The following BACE2 variants were observed in gnomAD, a reference collection of about 807,000 sequenced individuals.
BACE2 encodes 56 kDa aspartic-like protease.
A neutral mutation model predicts 46.2 loss-of-function variants in BACE2; 17 were observed. The ratio of observed to expected loss-of-function variants is 0.37; its 90% CI spans 0.25 to 0.55. The LOEUF (loss-of-function observed/expected upper bound fraction) is 0.55. BACE2 is among the 20% of genes least tolerant of loss of function. The pLI is 0.82. For missense variants in BACE2, 595 were observed against 698.1 expected, an observed-to-expected ratio of 0.85 and a Z score of 1.66; for synonymous variants, 277 against 295.9, an observed-to-expected ratio of 0.94 and a Z score of 0.66.
chr21:41,217,214 C>A (rs1221917771), intron 1 of BACE2, among the ~76,000 whole-genome samples: 2 of 152,248 alleles, frequency 1.3e-5, no homozygotes, highest in African/African-American at 4.8e-5. Flanking sequence ...CAGGCGTGAG[C>A]CACTGCGCCC....
At chr21:41,239,593 G>T (rs148109200) in intron 3 of BACE2, among the ~76,000 whole-genome samples, 9,000 of 152,186 alleles carry the variant, frequency 0.059, 881 homozygotes, top group African/African-American at 0.2. Context: ...GGCCAGGCTG[G>T]TCTCAAACTC....
intron 1 of BACE2, chr21:41,183,935 A>G (rs2123502308): frequency 6.0e-6 from 1 of 167,150 alleles, no homozygotes; most frequent in South Asian, 2.1e-4. Flanking sequence ...CCCAGATGCT[A>G]ATTTTGTAAC....
intron 1 of BACE2, among the ~76,000 whole-genome samples, chr21:41,203,701 G>A (rs1986034124): frequency 6.6e-6 from 1 of 152,094 alleles, no homozygotes; most frequent in African/African-American, 2.4e-5. Context: ...CTGGGGAGAG[G>A]AGGTGAGGTC....
intron 1 of BACE2, among the ~76,000 whole-genome samples, chr21:41,198,099 C>A (rs56942017): frequency 6.6e-6 from 1 of 152,058 alleles, no homozygotes; most frequent in Non-Finnish European, 1.5e-5. Context: ...TCAAGCAATT[C>A]TCGTGCCTCA....
intron 8 of BACE2, among the ~76,000 whole-genome samples, chr21:41,262,571 A>G (rs1217993093): frequency 2.6e-5 from 4 of 152,112 alleles, no homozygotes; most frequent in South Asian, 4.1e-4. Flanking sequence ...TGGGATTTCT[A>G]TTAGAACTGC....
chr21:41,205,919 C>T (rs974838884), intron 1 of BACE2, among the ~76,000 whole-genome samples: 15 of 152,074 alleles, frequency 9.9e-5, no homozygotes, highest in African/African-American at 3.1e-4. Flanking sequence ...TAAATATTTA[C>T]TGAAAAAATG....
Position 41,193,602 on chromosome 21 carries a change from C to T in BACE2, c.312+25027C>T, listed in dbSNP as rs940548898. 1.3e-5 allele frequency among the ~76,000 whole-genome samples: 2 copies of T among 152,192 alleles called. No individual in the cohort carries two copies. The highest frequency in any genetic ancestry group is 4.8e-5 in the African/African-American group (2 of 41,456). ...AGGTAGAGGCAGCTCTAATGGCTTC[C>T]ATTTGGCCTTTCTCACCATAATAGT... On this transcript the variant is annotated intron_variant, in intron 1 of 8. Transcript: ENST00000330333. The surrounding 1 kb of genome is among the most constrained non-coding windows in gnomAD (Gnocchi z 4.2).
At chr21:41,234,737 C>T (rs796363804) in intron 2 of BACE2, among the ~76,000 whole-genome samples, 55 of 152,354 alleles carry the variant, frequency 3.6e-4, no homozygotes, top group African/African-American at 1.2e-3. Context: ...TCCCATGTGG[C>T]AGGCACATCT....
In BACE2 at chr21:41,275,793, T is replaced by G; in HGVS notation, c.*169T>G. 1 of 814,098 alleles carries G rather than the reference T, an allele frequency of 1.2e-6. No homozygotes were observed. Among genetic ancestry groups the G allele is most frequent in the Non-Finnish European group, 1.8e-6 (1 of 541,454 alleles). 50.4% of individuals were successfully genotyped at this position (814,098 alleles called of 1,614,324 possible). A position where few individuals can be genotyped will look rare whatever the true frequency, so the allele number is the denominator to read the frequency against. Reference sequence around the variant, plus strand: ...TTCACTGTCTTTTGATTCTTGATTTTCAAGCTTTCAAATCCTCCCTACTTC... The same window carrying G: ...TTCACTGTCTTTTGATTCTTGATTTGCAAGCTTTCAAATCCTCCCTACTTC... On this transcript the variant is annotated 3_prime_UTR_variant, in exon 9 of 9. Coordinates refer to ENST00000330333, the MANE Select transcript of BACE2 (RefSeq NM_012105.5).
At chr21:41,228,305 A>G (rs754478437) in intron 2 of BACE2, among the ~76,000 whole-genome samples, 4 of 152,210 alleles carry the variant, frequency 2.6e-5, no homozygotes, top group African/African-American at 7.2e-5. Context: ...CACCATGGAC[A>G]TGTACACCCA....
chr21:41,185,155 G>T (rs1382914111), intron 1 of BACE2: 1 of 167,142 alleles, frequency 6.0e-6, no homozygotes. Flanking sequence ...CAAAAGCCTA[G>T]TTACTCTTCC....
chr21:41,219,479 G>A (rs1303819043), intron 1 of BACE2, among the ~76,000 whole-genome samples: 1 of 152,184 alleles, frequency 6.6e-6, no homozygotes, highest in Non-Finnish European at 1.5e-5. Context: ...CAGTTTGGGG[G>A]AATGTTTAAA....
chr21:41,234,276 G>A (rs116372962), intron 2 of BACE2, among the ~76,000 whole-genome samples: 67 of 152,238 alleles, frequency 4.4e-4, no homozygotes, highest in African/African-American at 1.5e-3. Flanking sequence ...GTAGAATTGT[G>A]AGCCCATTAA....
intron 1 of BACE2, among the ~76,000 whole-genome samples, chr21:41,190,283 C>T (rs1985521250): frequency 6.6e-6 from 1 of 152,138 alleles, no homozygotes; most frequent in Admixed American, 6.5e-5. Context: ...CATAATTATG[C>T]CTAACATATT....
At position 41,246,074 on chromosome 21, in the gene BACE2, G is replaced by C; in HGVS notation, c.984+11G>C. On this transcript the variant is annotated intron_variant, in intron 6 of 8. Coordinates refer to ENST00000330333, the MANE Select transcript of BACE2 (RefSeq NM_012105.5). ...GCCCGCGCATCTCTGGTGAGTCCTCGGGACACTCACGGGTCCCCGAGTTGC... is the reference window on the plus strand; with the variant it reads ...GCCCGCGCATCTCTGGTGAGTCCTCCGGACACTCACGGGTCCCCGAGTTGC... 6.3e-7 allele frequency: 1 copy of C among 1,587,106 alleles called. No individual in the cohort carries two copies.
chr21:41,238,813 G>C (rs1366424953), intron 3 of BACE2, among the ~76,000 whole-genome samples: 1 of 99,744 alleles, frequency 1.0e-5, no homozygotes, highest in Non-Finnish European at 1.9e-5. Flanking sequence ...TGGGGTGGGG[G>C]GAGGGGGGAG....
chr21:41,269,577 A>C lies in BACE2; in HGVS notation c.1304-5794A>C, dbSNP rs566784526. On this transcript the variant is annotated intron_variant, in intron 8 of 8. Coordinates refer to ENST00000330333, the MANE Select transcript of BACE2 (RefSeq NM_012105.5). ...ACTAGTTTGTATTTGTTAGAATTTT[A>C]TATAAATGAAATCATACAGTATGTA... is the stretch of plus-strand genomic sequence containing the variant. Among the ~76,000 whole-genome samples, 3 of 152,222 alleles carry C rather than the reference A, an allele frequency of 2.0e-5. No individual in the cohort carries two copies. In the South Asian group the frequency reaches 6.2e-4, roughly 31 times the overall value.
intron 1 of BACE2, among the ~76,000 whole-genome samples, chr21:41,210,252 A>AC (rs1480976323): frequency 3.3e-5 from 5 of 151,328 alleles, no homozygotes; most frequent in South Asian, 2.1e-4. Context: ...TGCCAAGGAG[A>AC]CCCCCCAAAA....
rs945208592 is a variant in BACE2 at position 41,280,076 on chromosome 21, G to C, written c.*4452G>C. The C allele has an allele frequency of 2.0e-5, 3 of 152,284 alleles. No homozygotes were observed. The highest frequency in any genetic ancestry group is 2.9e-5 in the Non-Finnish European group (2 of 68,090). 9.4% of individuals were successfully genotyped at this position (152,284 alleles called of 1,614,324 possible). On this transcript the variant is annotated 3_prime_UTR_variant, in exon 9 of 9. Transcript: ENST00000330333. ...TTTGCCAGAGGAACAATTAGGCCAA[G>C]AGAAACTTGCTTGACAGCCATGTGT...
Sources: allele counts gnomAD v4.1 joint callset (sites outside exome capture counted in the v4.1 genomes callset), GRCh38; gene constraint gnomAD v4.1.1; non-coding constraint Gnocchi (gnomAD v3.1); transcripts MANE v1.5; gene names NCBI Gene and HGNC (gene_info 2026-07-23, HGNC 2026-07-21).